The following ESRRG variants were observed in gnomAD, a reference collection of about 807,000 sequenced individuals.
The protein encoded by ESRRG is estrogen-related receptor gamma.
In ESRRG, 13 loss-of-function variants were observed where a neutral mutation model predicts 44.0. The observed-to-expected ratio is 0.30, with a 90% confidence interval of 0.19 to 0.47. The LOEUF is 0.47. Ranked by LOEUF, ESRRG falls within the 20% of genes least tolerant of loss-of-function variation. The probability of loss-of-function intolerance (pLI) is 1.00; values close to 1 mark genes in which losing one functional copy is unlikely to be tolerated. For missense variants in ESRRG, 395 were observed against 580.6 expected (o/e 0.68, Z 3.29); for synonymous variants, 215 against 214.6 (o/e 1.00, Z -0.02).
chr1:217,111,902 C>A (rs1237822456), intron 1 of ESRRG, among the ~76,000 whole-genome samples: 1 of 152,188 alleles, frequency 6.6e-6, no homozygotes, highest in Non-Finnish European at 1.5e-5. Flanking sequence ...AAGGCTCACT[C>A]TTAAGAAACA....
At chr1:216,590,473 G>A (rs750610672) in intron 3 of ESRRG, among the ~76,000 whole-genome samples, 5 of 152,178 alleles carry the variant, frequency 3.3e-5, no homozygotes, top group Non-Finnish European at 7.3e-5. Context: ...TAATTTGGAT[G>A]AATACATTTT....
chr1:216,542,569 T>C (rs2053219453), intron 5 of ESRRG, among the ~76,000 whole-genome samples: 1 of 152,038 alleles, frequency 6.6e-6, no homozygotes, highest in Admixed American at 6.6e-5. Flanking sequence ...TTCAGAAAAC[T>C]ATTATTTTGT....
chr1:216,679,569 T>C (rs916303001), intron 1 of ESRRG, among the ~76,000 whole-genome samples: 5 of 152,132 alleles, frequency 3.3e-5, no homozygotes, highest in African/African-American at 1.2e-4. Context: ...CCCACAGCTA[T>C]GACAATTAAC....
Position 216,506,266 on chromosome 1 carries a change from G to C in ESRRG, c.*673C>G, listed in dbSNP as rs940639008. Reference sequence around the variant, plus strand: ...GTTGCACTGTACTTTTAGGAACGTTGGTTCTCTCTCTTTGATTCCTTAGTC... The same window carrying C: ...GTTGCACTGTACTTTTAGGAACGTTCGTTCTCTCTCTTTGATTCCTTAGTC... On this transcript the variant is annotated 3_prime_UTR_variant, in exon 7 of 7. Coordinates refer to ENST00000408911, the MANE Select transcript of ESRRG (RefSeq NM_001438.4). 4 of 190,186 alleles carry C rather than the reference G, an allele frequency of 2.1e-5. No individual in the cohort carries two copies. Among genetic ancestry groups the C allele is most frequent in the Admixed American group, 1.6e-4 (3 of 18,312 alleles). 11.8% of individuals were successfully genotyped at this position (190,186 alleles called of 1,614,324 possible). A position where few individuals can be genotyped will look rare whatever the true frequency, so the allele number is the denominator to read the frequency against.
At chr1:216,574,400 C>A (rs1392577376) in intron 3 of ESRRG, among the ~76,000 whole-genome samples, 1 of 152,074 alleles carries the variant, frequency 6.6e-6, no homozygotes, top group African/African-American at 2.4e-5. Context: ...AATAGTTCAG[C>A]CCAAGGTCTT....
At chr1:216,618,323 G>A (rs74759142) in intron 3 of ESRRG, among the ~76,000 whole-genome samples, 4,571 of 152,198 alleles carry the variant, frequency 0.03, 229 homozygotes, top group African/African-American at 0.1. Flanking sequence ...TGCCTTTTTG[G>A]ACCAGCTGCA....
chr1:216,600,985 G>C (rs1421373282), intron 3 of ESRRG, among the ~76,000 whole-genome samples: 2 of 152,220 alleles, frequency 1.3e-5, no homozygotes, highest in Non-Finnish European at 2.9e-5. Context: ...TTATGAGGGA[G>C]AAAGAGCTGC....
chr1:216,891,390 A>T (rs1189737409), intron 2 of ESRRG, among the ~76,000 whole-genome samples: 1 of 152,248 alleles, frequency 6.6e-6, no homozygotes, highest in African/African-American at 2.4e-5. Context: ...CAGAACCTCA[A>T]ATAGAAAATC....
At chr1:217,078,771 G>T (rs775156160) in intron 1 of ESRRG, among the ~76,000 whole-genome samples, 4 of 152,250 alleles carry the variant, frequency 2.6e-5, no homozygotes, top group South Asian at 2.1e-4. Context: ...TGTATGTAAG[G>T]TTCCTCTGTT....
At chr1:217,036,608 A>T (rs2082937817) in intron 1 of ESRRG, among the ~76,000 whole-genome samples, 1 of 152,144 alleles carries the variant, frequency 6.6e-6, no homozygotes, top group South Asian at 2.1e-4. Context: ...GTGGGAGCTA[A>T]ATGATTAGAA....
intron 2 of ESRRG, among the ~76,000 whole-genome samples, chr1:216,761,353 A>G (rs747991991): frequency 6.6e-6 from 1 of 152,226 alleles, no homozygotes; most frequent in Non-Finnish European, 1.5e-5. Flanking sequence ...TCAGAATCAA[A>G]CAAGGTTTTG....
At chr1:217,009,811 T>C (rs952867222) in intron 1 of ESRRG, among the ~76,000 whole-genome samples, 1 of 151,230 alleles carries the variant, frequency 6.6e-6, no homozygotes, top group African/African-American at 2.4e-5. Flanking sequence ...GTTCAAATGA[T>C]TCTCCTGCCT....
upstream of ESRRG, among the ~76,000 whole-genome samples, chr1:216,727,018 G>T (rs1215833507): frequency 6.6e-6 from 1 of 152,140 alleles, no homozygotes; most frequent in Non-Finnish European, 1.5e-5. Context: ...GCTTAGTCTT[G>T]CTGTTATTGC....
chr1:216,779,506 A>ATATATAAATT (rs2093828968), intron 2 of ESRRG, among the ~76,000 whole-genome samples: 1 of 90,988 alleles, frequency 1.1e-5, no homozygotes, highest in Non-Finnish European at 1.9e-5. Flanking sequence ...ATATATAAAT[A>ATATATAAATT]TATATTTATA....
At chr1:216,709,014 A>G (rs1255807703) in intron 1 of ESRRG, among the ~76,000 whole-genome samples, 1 of 152,124 alleles carries the variant, frequency 6.6e-6, no homozygotes, top group Non-Finnish European at 1.5e-5. Flanking sequence ...GAGTCAAACA[A>G]TAAGAACACA....
intron 1 of ESRRG, chr1:216,985,726 C>A (rs1447795627): frequency 1.3e-5 from 2 of 152,136 alleles, no homozygotes; most frequent in Admixed American, 1.3e-4. Context: ...GGTAGCAAAA[C>A]TCTTAGAGGG....
intron 1 of ESRRG, among the ~76,000 whole-genome samples, chr1:217,044,049 T>C (rs925902084): frequency 2.6e-5 from 4 of 152,218 alleles, no homozygotes; most frequent in African/African-American, 9.6e-5. Flanking sequence ...ATCATTTTAC[T>C]ATTGTACCCT....
intron 1 of ESRRG, among the ~76,000 whole-genome samples, chr1:217,083,776 G>A (rs1234151029): frequency 1.3e-5 from 2 of 152,164 alleles, no homozygotes; most frequent in Non-Finnish European, 2.9e-5. Flanking sequence ...GAATTAAACT[G>A]TTCATCTAAA....
At chr1:216,542,420 T>C (rs1254021140) in intron 5 of ESRRG, among the ~76,000 whole-genome samples, 3 of 151,932 alleles carry the variant, frequency 2.0e-5, no homozygotes, top group Non-Finnish European at 4.4e-5. Flanking sequence ...CAACATGTAA[T>C]AATGAAAGAG....
Sources: allele counts gnomAD v4.1 joint callset (sites outside exome capture counted in the v4.1 genomes callset), GRCh38; gene constraint gnomAD v4.1.1; transcripts MANE v1.5; gene names NCBI Gene and HGNC (gene_info 2026-07-23, HGNC 2026-07-21).